CDH12: variants seen among roughly 807,000 people sequenced by gnomAD.
CDH12 encodes the protein cadherin 12.
CDH12 carries 41 observed loss-of-function variants against 74.1 expected under a neutral mutation model. The ratio of observed to expected loss-of-function variants is 0.55; its 90% CI spans 0.43 to 0.72. CDH12 has a LOEUF of 0.72. Ranked by LOEUF, CDH12 falls within the 30% of genes least tolerant of loss-of-function variation. The pLI, the probability that CDH12 is intolerant of heterozygous loss-of-function variation, is 0.00. For missense variants in CDH12, 945 were observed against 977.2 expected (o/e 0.97, Z 0.44); for synonymous variants, 399 against 355.0 (o/e 1.12, Z -1.39).
Position 22,314,941 on chromosome 5 carries a change from C to CTTTTTTTTTTT in CDH12, c.-333+90305_-333+90315dup, listed in dbSNP as rs759734847. Among the ~76,000 whole-genome samples, 73 of 67,760 alleles carry CTTTTTTTTTTT rather than the reference C, an allele frequency of 1.1e-3. 21 individuals carry two copies. The highest frequency in any genetic ancestry group is 1.4e-3 in the African/African-American group (21 of 14,806). 44.5% of individuals were successfully genotyped at this position (67,760 alleles called of 152,430 possible). ...GAAAAGCAGAGGTCCCTGGGTTGGT[C>CTTTTTTTTTTT]TTTTTTTTTTTTTTTTTTTTTTTTT... On this transcript the variant is annotated intron_variant, in intron 3 of 14. Coordinates refer to ENST00000382254, the MANE Select transcript of CDH12 (RefSeq NM_004061.5).
intron 4 of CDH12, among the ~76,000 whole-genome samples, chr5:22,153,477 C>T (rs1032933973): frequency 1.3e-5 from 2 of 151,596 alleles, no homozygotes; most frequent in Non-Finnish European, 2.9e-5. Flanking sequence ...CTCTATGAAA[C>T]CCTGAAGGGA....
chr5:22,109,436 T>C (rs1435843515), intron 4 of CDH12, among the ~76,000 whole-genome samples: 1 of 152,184 alleles, frequency 6.6e-6, no homozygotes, highest in Non-Finnish European at 1.5e-5. Context: ...CACATCACCT[T>C]ATGGGATTTC....
intron 5 of CDH12, among the ~76,000 whole-genome samples, chr5:22,047,506 T>C (rs1434259109): frequency 6.6e-6 from 1 of 151,826 alleles, no homozygotes; most frequent in Non-Finnish European, 1.5e-5. Context: ...TAAAAGAAAA[T>C]ATGAAAGATA....
intron 1 of CDH12, among the ~76,000 whole-genome samples, chr5:22,690,542 A>G (rs1742029218): frequency 6.6e-6 from 1 of 152,196 alleles, no homozygotes; most frequent in South Asian, 2.1e-4. Context: ...TATATATCAC[A>G]TGACAGCAAG....
chr5:22,184,881 G>T (rs1356532652), intron 4 of CDH12, among the ~76,000 whole-genome samples: 2 of 152,160 alleles, frequency 1.3e-5, no homozygotes, highest in African/African-American at 4.8e-5. Context: ...GTTCAAGGGT[G>T]AAAGTGCAGG....
intron 1 of CDH12, among the ~76,000 whole-genome samples, chr5:22,813,948 T>G (rs1022945550): frequency 6.6e-6 from 1 of 152,124 alleles, no homozygotes; most frequent in African/African-American, 2.4e-5. Flanking sequence ...GCAATAACTT[T>G]GTATTTTTTT....
At chr5:22,718,576 A>AT in intron 1 of CDH12, among the ~76,000 whole-genome samples, 1 of 152,234 alleles carries the variant, frequency 6.6e-6, no homozygotes, top group African/African-American at 2.4e-5. Flanking sequence ...TGTTAAGAAT[A>AT]TTTTTGCCCA....
At chr5:22,021,988 A>G (rs1218337360) in intron 5 of CDH12, among the ~76,000 whole-genome samples, 1 of 152,164 alleles carries the variant, frequency 6.6e-6, no homozygotes, top group East Asian at 1.9e-4. Context: ...GTCACATGAC[A>G]CTATGCCTAG....
chr5:22,799,015 G>C (rs926287705), intron 1 of CDH12, among the ~76,000 whole-genome samples: 6 of 152,086 alleles, frequency 3.9e-5, no homozygotes, highest in African/African-American at 1.4e-4. Flanking sequence ...TACTTGGGAG[G>C]CTGAAGTGGG....
intron 3 of CDH12, among the ~76,000 whole-genome samples, chr5:22,255,117 C>T (rs1195618534): frequency 6.6e-6 from 1 of 151,858 alleles, no homozygotes; most frequent in East Asian, 1.9e-4. Context: ...TTAGCTCCCA[C>T]ATATAAGTGA....
chr5:21,847,423 G>C (rs1750232179), intron 7 of CDH12, among the ~76,000 whole-genome samples: 1 of 151,988 alleles, frequency 6.6e-6, no homozygotes. Flanking sequence ...TTACAATTCT[G>C]GATGTAAGGA....
intron 3 of CDH12, among the ~76,000 whole-genome samples, chr5:22,250,440 G>C (rs893090811): frequency 1.3e-5 from 2 of 152,088 alleles, no homozygotes; most frequent in African/African-American, 4.8e-5. Context: ...ATCCCTACAG[G>C]TGGATGCTGC....
intron 1 of CDH12, among the ~76,000 whole-genome samples, chr5:22,605,030 T>C (rs1737029821): frequency 6.6e-6 from 1 of 151,438 alleles, no homozygotes; most frequent in Non-Finnish European, 1.5e-5. Flanking sequence ...TTGGACATTG[T>C]TTTTGGATGA....
At chr5:22,625,175 G>A (rs780912085) in intron 1 of CDH12, among the ~76,000 whole-genome samples, 12 of 152,048 alleles carry the variant, frequency 7.9e-5, no homozygotes, top group Admixed American at 2.0e-4. Context: ...TGTGGGGAGC[G>A]GGGAGGGATA....
At chr5:22,171,625 C>T (rs188689943) in intron 4 of CDH12, among the ~76,000 whole-genome samples, 1 of 152,038 alleles carries the variant, frequency 6.6e-6, no homozygotes, top group Non-Finnish European at 1.5e-5. Context: ...GATATATCCC[C>T]ACTTTTTATA....
chr5:22,012,167 T>C (rs2150153623), intron 5 of CDH12, among the ~76,000 whole-genome samples: 1 of 152,240 alleles, frequency 6.6e-6, no homozygotes. Flanking sequence ...TATTGGAATT[T>C]CTGATTAGCA....
intron 6 of CDH12, among the ~76,000 whole-genome samples, chr5:21,900,210 T>C (rs1434723558): frequency 1.3e-5 from 2 of 152,124 alleles, no homozygotes; most frequent in Non-Finnish European, 2.9e-5. Flanking sequence ...CCATGTCTTG[T>C]GGTAGCTATC....
rs578252596 is a variant in CDH12, at chr5:22,124,225, G to A, written c.-186-45363C>T. Among the ~76,000 whole-genome samples, 8 of 152,056 alleles carry A rather than the reference G, an allele frequency of 5.3e-5. No homozygotes were observed. The South Asian group carries it at 1.7e-3, about 32-fold the overall frequency. ...GGCTGCAGTGCAGTGGCAGGATCTT[G>A]GCTCACTGCAATCTCAGCCTCTCGG... On this transcript the variant is annotated intron_variant, in intron 4 of 14. Transcript: ENST00000382254.
chr5:22,829,052 T>C (rs1256255674), intron 1 of CDH12, among the ~76,000 whole-genome samples: 1 of 152,184 alleles, frequency 6.6e-6, no homozygotes, highest in East Asian at 1.9e-4. Context: ...AGTTTGATTC[T>C]CATTATTGAA....
Sources: gnomAD v4.1 joint callset for allele counts (sites outside exome capture counted in the v4.1 genomes callset) on GRCh38, gnomAD v4.1.1 for gene constraint, MANE v1.5 for transcripts, NCBI Gene and HGNC (gene_info 2026-07-23, HGNC 2026-07-21) for gene names.